CAMTA1: variants seen among roughly 807,000 people sequenced by gnomAD.
The protein encoded by CAMTA1 is calmodulin binding transcription activator 1, also known as calmodulin-binding transcription activator 1.
CAMTA1 carries 27 observed loss-of-function variants against 170.9 expected under a neutral mutation model. That is an observed-to-expected ratio of 0.16 (90% CI 0.12 to 0.22). The LOEUF (loss-of-function observed/expected upper bound fraction) is 0.22, where lower values mean the gene tolerates loss of function less well. Ranked by LOEUF, CAMTA1 falls within the 10% of genes least tolerant of loss-of-function variation. CAMTA1 has a pLI of 1.00. For synonymous variants in CAMTA1, 833 were observed against 891.5 expected (o/e 0.93, Z 1.17); for missense variants, 1,619 against 2,217.2 (o/e 0.73, Z 5.42).
chr1:7,338,589 C>T (rs2083566930), intron 5 of CAMTA1, among the ~76,000 whole-genome samples: 1 of 152,192 alleles, frequency 6.6e-6, no homozygotes, highest in Non-Finnish European at 1.5e-5. Flanking sequence ...CAAAGCCCTG[C>T]CCTCATGGAG....
rs562020326 is a variant in CAMTA1, at chr1:7,195,847, C to T, written c.303-53644C>T. 1.3e-4 allele frequency among the ~76,000 whole-genome samples: 19 copies of T among 151,986 alleles called. No individual in the cohort carries two copies. Among genetic ancestry groups the T allele is most frequent in the South Asian group, 1.0e-3 (5 of 4,814 alleles). On this transcript the variant is annotated intron_variant, in intron 4 of 22. Transcript: ENST00000303635. The surrounding 1 kb of genome is among the most constrained non-coding windows in gnomAD (Gnocchi z 4.1). ...CAGCCTGGCCAACATGGTGAAACCCCGTCTCTACTAAGAATACAAAAATTA... is the reference window on the plus strand; with the variant it reads ...CAGCCTGGCCAACATGGTGAAACCCTGTCTCTACTAAGAATACAAAAATTA...
At chr1:7,116,990 CAG>C (rs1644373524) in intron 4 of CAMTA1, among the ~76,000 whole-genome samples, 1 of 144,212 alleles carries the variant, frequency 6.9e-6, no homozygotes, top group Admixed American at 6.9e-5. Flanking sequence ...TTTTTTTTGA[CAG>C]AGTTTTGCTC....
intron 3 of CAMTA1, among the ~76,000 whole-genome samples, chr1:6,899,271 A>T (rs1676337858): frequency 1.3e-5 from 2 of 152,246 alleles, no homozygotes; most frequent in Admixed American, 6.5e-5. Flanking sequence ...TTATTGTCTC[A>T]CGTGAACAGG....
At chr1:7,694,266 G>T (rs1053688157) in intron 11 of CAMTA1, 1 of 152,222 alleles carries the variant, frequency 6.6e-6, no homozygotes. Context: ...CTCCTACACA[G>T]ATCTTATGTA....
At chr1:7,531,621 C>T (rs1370188144) in intron 6 of CAMTA1, among the ~76,000 whole-genome samples, 1 of 152,252 alleles carries the variant, frequency 6.6e-6, no homozygotes, top group East Asian at 1.9e-4. Flanking sequence ...GCCCGGATCC[C>T]CTAGGCTGGG....
At chr1:6,929,743 T>G (rs1416628906) in intron 3 of CAMTA1, among the ~76,000 whole-genome samples, 4 of 151,884 alleles carry the variant, frequency 2.6e-5, no homozygotes, top group Admixed American at 2.0e-4. Context: ...GTGATCTGCC[T>G]GCCTCGGCCT....
chr1:7,454,898 G>A (rs1229578692), intron 5 of CAMTA1, among the ~76,000 whole-genome samples: 2 of 152,138 alleles, frequency 1.3e-5, no homozygotes, highest in Non-Finnish European at 2.9e-5. Context: ...CTGCTAAACT[G>A]CAGACTTATT....
intron 4 of CAMTA1, among the ~76,000 whole-genome samples, chr1:7,196,931 T>C (rs74051179): frequency 0.03 from 4,566 of 152,364 alleles, 204 homozygotes; most frequent in African/African-American, 0.1. Context: ...TTGCAAAGTC[T>C]GTAACAAAAG....
chr1:7,011,030 G>A (rs946018296), intron 3 of CAMTA1, among the ~76,000 whole-genome samples: 1 of 152,136 alleles, frequency 6.6e-6, no homozygotes, highest in Admixed American at 6.5e-5. Flanking sequence ...TCCCCACAGC[G>A]GTCCCGACAG....
intron 4 of CAMTA1, among the ~76,000 whole-genome samples, chr1:7,137,556 T>G (rs1376710567): frequency 6.6e-6 from 1 of 152,222 alleles, no homozygotes; most frequent in Admixed American, 6.5e-5. Context: ...CACACTACTT[T>G]GTCTGTACCT....
At chr1:7,138,838 T>C (rs1278731724) in intron 4 of CAMTA1, among the ~76,000 whole-genome samples, 2 of 151,740 alleles carry the variant, frequency 1.3e-5, no homozygotes, top group African/African-American at 2.4e-5. Context: ...CTACTAAAAA[T>C]ACAAAAATTA....
At chr1:7,149,721 G>T (rs1247687554) in intron 4 of CAMTA1, among the ~76,000 whole-genome samples, 1 of 152,212 alleles carries the variant, frequency 6.6e-6, no homozygotes, top group African/African-American at 2.4e-5. Context: ...TGGGGGATGG[G>T]CAGGTCCAGC....
chr1:7,623,975 A>G (rs563667893), intron 6 of CAMTA1, among the ~76,000 whole-genome samples: 1 of 152,324 alleles, frequency 6.6e-6, no homozygotes, highest in East Asian at 1.9e-4. Flanking sequence ...TCGACGCAAA[A>G]TAGAACATTT....
intron 4 of CAMTA1, among the ~76,000 whole-genome samples, chr1:7,156,348 G>T (rs2148722150): frequency 6.6e-6 from 1 of 152,168 alleles, no homozygotes. Context: ...GGTGGAAGCA[G>T]ATAGATACAT....
chr1:7,081,368 A>G (rs1572901654), intron 3 of CAMTA1, among the ~76,000 whole-genome samples: 1 of 152,232 alleles, frequency 6.6e-6, no homozygotes, highest in East Asian at 1.9e-4. Context: ...GTCCAGCTTC[A>G]GTATCACAAA....
At chr1:6,961,792 A>G (rs1220615008) in intron 3 of CAMTA1, among the ~76,000 whole-genome samples, 1 of 152,246 alleles carries the variant, frequency 6.6e-6, no homozygotes, top group African/African-American at 2.4e-5. Flanking sequence ...GGTGCAAACG[A>G]GGACTAGACT....
intron 3 of CAMTA1, among the ~76,000 whole-genome samples, chr1:6,911,948 C>T (rs1309272929): frequency 1.3e-5 from 2 of 152,326 alleles, no homozygotes; most frequent in South Asian, 2.1e-4. Flanking sequence ...GATCAACTCC[C>T]TTTGTCTTCC....
chr1:7,065,700 G>T lies in CAMTA1; in HGVS notation c.235-25604G>T, dbSNP rs1217870219. 4.6e-5 allele frequency among the ~76,000 whole-genome samples: 7 copies of T among 152,266 alleles called. No individual in the cohort carries two copies. Among genetic ancestry groups the T allele is most frequent in the African/African-American group, 7.2e-5 (3 of 41,542 alleles). On this transcript the variant is annotated intron_variant, in intron 3 of 22. Transcript: ENST00000303635. This position sits in a 1 kb window ranked among gnomAD's most constrained non-coding sequence, Gnocchi z 5.2. ...TGATTGGAAGAATCCAGAAAAGGGAGATGGGTCCGTGGATAGGTGGAAGCC... is the reference window on the plus strand; with the variant it reads ...TGATTGGAAGAATCCAGAAAAGGGATATGGGTCCGTGGATAGGTGGAAGCC...
intron 6 of CAMTA1, among the ~76,000 whole-genome samples, chr1:7,494,464 G>A (rs1328559692): frequency 2.0e-5 from 3 of 152,150 alleles, no homozygotes; most frequent in East Asian, 1.9e-4. Context: ...AACCATGAGC[G>A]GGAAGCCAAG....
Sources: gnomAD v4.1 joint callset for allele counts (sites outside exome capture counted in the v4.1 genomes callset) on GRCh38, gnomAD v4.1.1 for gene constraint, Gnocchi (gnomAD v3.1) non-coding constraint, MANE v1.5 for transcripts, NCBI Gene and HGNC (gene_info 2026-07-23, HGNC 2026-07-21) for gene names.